Variants in C8orf88 observed in about 807,000 individuals in gnomAD.
C8orf88 encodes uncharacterized protein C8orf88.
A neutral mutation model predicts 18.4 loss-of-function variants in C8orf88; 14 were observed. That is an observed-to-expected ratio of 0.76 (90% CI 0.50 to 1.19). The LOEUF (loss-of-function observed/expected upper bound fraction) is 1.19. C8orf88 is among the 50% of genes most tolerant of loss of function. C8orf88 has a pLI of 0.00. For synonymous variants in C8orf88, 45 were observed against 42.9 expected (o/e 1.05, Z -0.19); for missense variants, 116 against 134.7 (o/e 0.86, Z 0.69).
At chr8:90,982,711 A>G (rs1811450895) in intron 1 of C8orf88, among the ~76,000 whole-genome samples, 1 of 152,098 alleles carries the variant, frequency 6.6e-6, no homozygotes, top group Non-Finnish European at 1.5e-5. Flanking sequence ...ATATAAATCC[A>G]CATCAGTTAA....
At chr8:90,960,465 T>C (rs1331929503) in intron 5 of C8orf88, among the ~76,000 whole-genome samples, 1 of 151,448 alleles carries the variant, frequency 6.6e-6, no homozygotes, top group African/African-American at 2.4e-5. Context: ...GACAATATAA[T>C]TTAATTGAAA....
At chr8:90,975,063 G>A (rs1263423685) in intron 3 of C8orf88, among the ~76,000 whole-genome samples, 1 of 152,044 alleles carries the variant, frequency 6.6e-6, no homozygotes, top group Non-Finnish European at 1.5e-5. Context: ...GCCCTATGCT[G>A]GAAAATACAA....
At chr8:90,977,787 CA>C (rs985004716) in intron 3 of C8orf88, among the ~76,000 whole-genome samples, 6 of 148,520 alleles carry the variant, frequency 4.0e-5, no homozygotes, top group African/African-American at 1.2e-4. Context: ...ACTAAAAATA[CA>C]AAAAAAAAAT....
chr8:90,967,761 G>A (rs1420170499), intron 4 of C8orf88, among the ~76,000 whole-genome samples: 2 of 151,380 alleles, frequency 1.3e-5, no homozygotes, highest in African/African-American at 4.8e-5. Context: ...TCATAGTAAT[G>A]TCCCCCATGA....
In C8orf88 at chr8:90,958,901, A is replaced by T; in HGVS notation, c.*106T>A. ...TTTTAGAGAAGTCAAATAGCCAACC[A>T]TCAAAATTAAGAATAAATTGAATTG... On this transcript the variant is annotated 3_prime_UTR_variant, in exon 6 of 6. Coordinates refer to ENST00000517562, the MANE Select transcript of C8orf88 (RefSeq NM_001190972.2). 1 of 662,710 alleles carries T rather than the reference A, an allele frequency of 1.5e-6. No homozygotes were observed. Among genetic ancestry groups the T allele is most frequent in the Non-Finnish European group, 2.4e-6 (1 of 412,670 alleles). 41.1% of individuals were successfully genotyped at this position (662,710 alleles called of 1,614,324 possible).
chr8:90,978,514 G>C, intron 3 of C8orf88, 65 bp downstream of exon 3: 2 of 938,966 alleles, frequency 2.1e-6, no homozygotes, highest in Admixed American at 2.4e-5. Context: ...GCACACAATA[G>C]CCATCTAACA....
Position 90,958,797 on chromosome 8 carries a change from C to T in C8orf88, c.*210G>A, listed in dbSNP as rs1811079259. ...AAATTCCTACTTTCCAGTGTTACTT[C>T]CCAATTTATGCAGGAAACCTCCTGC... On this transcript the variant is annotated 3_prime_UTR_variant, in exon 6 of 6. Coordinates refer to ENST00000517562, the MANE Select transcript of C8orf88 (RefSeq NM_001190972.2). 1.2e-5 allele frequency: 5 copies of T among 411,388 alleles called. No homozygotes were observed. The South Asian group carries it at 1.6e-4, about 13-fold the overall frequency. The allele number at this position is 411,388 out of a possible 1,614,324, so 25.5% of individuals were successfully genotyped here. A position where few individuals can be genotyped will look rare whatever the true frequency, so the allele number is the denominator to read the frequency against.
chr8:90,975,871 T>C lies in C8orf88; in HGVS notation c.147+2708A>G, dbSNP rs557444351. On this transcript the variant is annotated intron_variant, in intron 3 of 5. Coordinates refer to ENST00000517562, the MANE Select transcript of C8orf88 (RefSeq NM_001190972.2). ...TATCTAAAAACTAGATACAATCCAA[T>C]GTTGTCAACTGATGAATAAACAAAC... Among the ~76,000 whole-genome samples the C allele has an allele frequency of 2.0e-5, 3 of 151,624 alleles. No individual in the cohort carries two copies. The East Asian group carries it at 5.8e-4, about 29-fold the overall frequency.
rs996468663 is a variant in C8orf88 at position 90,960,785 on chromosome 8, T to C, written c.287A>G (p.Lys96Arg). ...KLSSVSICRK[K>R]PDFLPDHPIV... ...GGGATGATCAGGCAGAAAGTCTGGT[T>C]TTTTTCTGCAGATGGAAACACTTGA... The change falls in exon 5 of 6, where the codon AAA becomes AGA. Residue 96 changes from lysine (K) to arginine (R), a missense_variant. By Grantham distance (26) the Lys-to-Arg change is conservative. Coordinates refer to ENST00000517562, the MANE Select transcript of C8orf88 (RefSeq NM_001190972.2). The C allele has an allele frequency of 2.2e-5, 34 of 1,531,426 alleles. No homozygotes were observed. Among genetic ancestry groups the C allele is most frequent in the Non-Finnish European group, 3.0e-5 (34 of 1,143,686 alleles). 94.9% of individuals were successfully genotyped at this position (1,531,426 alleles called of 1,614,324 possible).
Position 90,978,760 on chromosome 8 carries a change from G to T in C8orf88, c.74-108C>A. 9.1e-6 allele frequency: 5 copies of T among 547,974 alleles called. No individual in the cohort carries two copies. In the Admixed American group the frequency reaches 1.3e-4, roughly 15 times the overall value. 33.9% of individuals were successfully genotyped at this position (547,974 alleles called of 1,614,324 possible). A position where few individuals can be genotyped will look rare whatever the true frequency, so the allele number is the denominator to read the frequency against. On this transcript the variant is annotated intron_variant, in intron 2 of 5. Transcript: ENST00000517562. Reference sequence around the variant, plus strand: ...GATATTCTTGGCACTGTTTTGAAATGTGTTCTGATAGTTCATTTATTCAAC... The same window carrying T: ...GATATTCTTGGCACTGTTTTGAAATTTGTTCTGATAGTTCATTTATTCAAC...
At chr8:90,983,602 T>A (rs572521860) in intron 1 of C8orf88, among the ~76,000 whole-genome samples, 1 of 152,168 alleles carries the variant, frequency 6.6e-6, no homozygotes, top group Non-Finnish European at 1.5e-5. Context: ...ATCTTATTAA[T>A]CTTATTTTTT....
intron 1 of C8orf88, 46 bp from the exon 2 acceptor site, chr8:90,980,507 A>C: frequency 1.2e-6 from 1 of 830,672 alleles, no homozygotes; most frequent in South Asian, 1.7e-5. Context: ...CAAAATAATC[A>C]AGATGCTTTA....
At chr8:90,982,437 GAATAC>G (rs1428405035) in intron 1 of C8orf88, among the ~76,000 whole-genome samples, 2 of 152,224 alleles carry the variant, frequency 1.3e-5, no homozygotes, top group East Asian at 3.9e-4. Flanking sequence ...TAGTGAATCA[GAATAC>G]AATAGGATAG....
At chr8:90,983,674 C>T (rs1811465089) in intron 1 of C8orf88, among the ~76,000 whole-genome samples, 1 of 151,940 alleles carries the variant, frequency 6.6e-6, no homozygotes, top group East Asian at 1.9e-4. Context: ...AATTTTGAGC[C>T]ATATATGAAC....
chr8:90,961,660 G>T (rs972274832), intron 4 of C8orf88, among the ~76,000 whole-genome samples: 1 of 151,322 alleles, frequency 6.6e-6, no homozygotes, highest in Non-Finnish European at 1.5e-5. Context: ...TTACTGTTCA[G>T]AAATGAAGAG....
chr8:90,958,771 C>T lies in C8orf88; in HGVS notation c.*236G>A. On this transcript the variant is annotated 3_prime_UTR_variant, in exon 6 of 6. Coordinates refer to ENST00000517562, the MANE Select transcript of C8orf88 (RefSeq NM_001190972.2). ...TATACAGTCTTCCCACTTCACTAAC[C>T]AAATTCCTACTTTCCAGTGTTACTT... The T allele has an allele frequency of 2.5e-6, 1 of 406,414 alleles. No individual in the cohort carries two copies. The highest frequency in any genetic ancestry group is 4.4e-6 in the Non-Finnish European group (1 of 229,040). The allele number at this position is 406,414 out of a possible 1,614,324, so 25.2% of individuals were successfully genotyped here.
intron 1 of C8orf88, among the ~76,000 whole-genome samples, chr8:90,983,154 G>C (rs1287776411): frequency 6.6e-6 from 1 of 152,106 alleles, no homozygotes; most frequent in Non-Finnish European, 1.5e-5. Flanking sequence ...AAAATAAACA[G>C]AATTCTGCCT....
chr8:90,977,482 G>A (rs1209494258), intron 3 of C8orf88, among the ~76,000 whole-genome samples: 2 of 151,722 alleles, frequency 1.3e-5, no homozygotes, highest in African/African-American at 2.4e-5. Flanking sequence ...AGAAACAAGC[G>A]CCCATCAACA....
chr8:90,979,583 C>T (rs1811401310), intron 2 of C8orf88, among the ~76,000 whole-genome samples: 1 of 152,172 alleles, frequency 6.6e-6, no homozygotes, highest in South Asian at 2.1e-4. Flanking sequence ...ACTGGTGCCA[C>T]TTCTACCTTT....
Sources: allele counts gnomAD v4.1 joint callset (sites outside exome capture counted in the v4.1 genomes callset), GRCh38; gene constraint gnomAD v4.1.1; transcripts MANE v1.5; gene names NCBI Gene and HGNC (gene_info 2026-07-23, HGNC 2026-07-21).